The following BANK1 variants were observed in gnomAD, a reference collection of about 807,000 sequenced individuals.
BANK1 encodes B cell scaffold protein with ankyrin repeats 1.
BANK1 carries 95 observed loss-of-function variants against 94.5 expected under a neutral mutation model. The ratio of observed to expected loss-of-function variants is 1.00; its 90% confidence interval spans 0.85 to 1.19. The LOEUF (loss-of-function observed/expected upper bound fraction) is 1.19, where lower values mean the gene tolerates loss of function less well. Among genes scored for constraint, BANK1 ranks in the 50% most tolerant of loss-of-function variants. The pLI is 0.00. For missense variants in BANK1, 987 were observed against 932.2 expected, an observed-to-expected ratio of 1.06 and a Z score of -0.77; for synonymous variants, 334 against 308.4, an observed-to-expected ratio of 1.08 and a Z score of -0.87.
At chr4:101,904,531 C>T (rs894630812) in intron 6 of BANK1, among the ~76,000 whole-genome samples, 1 of 152,128 alleles carries the variant, frequency 6.6e-6, no homozygotes, top group African/African-American at 2.4e-5. Flanking sequence ...AAAATTATTT[C>T]CTAATCTTTG....
At chr4:101,870,471 A>G in intron 4 of BANK1, 34 bp from the exon 5 acceptor site, 1 of 1,590,942 alleles carries the variant, frequency 6.3e-7, no homozygotes, top group Non-Finnish European at 8.6e-7. Context: ...TGCATTATAT[A>G]CTCTGCCCCT....
chr4:101,958,753 T>A (rs1479211583), intron 7 of BANK1, among the ~76,000 whole-genome samples: 3 of 152,198 alleles, frequency 2.0e-5, no homozygotes, highest in Non-Finnish European at 4.4e-5. Context: ...CCATCCTCTC[T>A]ACACATGCTC....
chr4:101,976,701 A>T (rs1725144966), intron 7 of BANK1, among the ~76,000 whole-genome samples: 1 of 152,166 alleles, frequency 6.6e-6, no homozygotes, highest in Non-Finnish European at 1.5e-5. Context: ...CATAAAATTT[A>T]TCTGAGTTTA....
At chr4:101,878,559 A>C (rs1462124622) in intron 5 of BANK1, among the ~76,000 whole-genome samples, 1 of 152,190 alleles carries the variant, frequency 6.6e-6, no homozygotes, top group Non-Finnish European at 1.5e-5. Context: ...CCACACAGAA[A>C]ATGAACAAAG....
rs942942664 is a variant in BANK1 at position 102,043,863 on chromosome 4, G to A, written c.1925G>A (p.Arg642Lys). The A allele has an allele frequency of 1.9e-6, 3 of 1,603,538 alleles. No individual in the cohort carries two copies. The highest frequency in any genetic ancestry group is 2.7e-5 in the African/African-American group (2 of 74,596). The change falls in exon 11 of 17, where the codon AGA (arginine) becomes AAA (lysine). Residue 642 changes from arginine (R) to lysine (K), a missense_variant. Arg to Lys is a conservative substitution (Grantham distance 26, BLOSUM62 2). Transcript: ENST00000322953. The stretch of plus-strand genomic sequence containing the variant: ...GTGTTTCAACAAAAGACAGCCAGAA[G>A]ACAATCTGATGATGACAAGTTCTGT... The part of the protein sequence containing the change: ...AQVFQQKTAR[R>K]QSDDDKFCGL...
intron 5 of BANK1, 31 bp from the exon 6 acceptor site, chr4:101,895,274 A>G (rs772931244): frequency 5.6e-6 from 7 of 1,253,082 alleles, no homozygotes; most frequent in Non-Finnish European, 7.9e-6. Context: ...TAATTAACCT[A>G]GTGAAAATTT....
intron 5 of BANK1, among the ~76,000 whole-genome samples, chr4:101,875,215 G>C (rs1728444374): frequency 6.6e-6 from 1 of 151,522 alleles, no homozygotes; most frequent in South Asian, 2.1e-4. Context: ...TGCAGAGACT[G>C]TTTCTGTGTG....
intron 11 of BANK1, 37 bp from the exon 12 acceptor site, chr4:102,060,174 G>C (rs1728364920): frequency 1.3e-6 from 2 of 1,509,596 alleles, no homozygotes; most frequent in South Asian, 2.7e-5. Flanking sequence ...GTCTACACCT[G>C]GACTTTCTGT....
chr4:102,040,615 G>A (rs1364585409), intron 10 of BANK1, among the ~76,000 whole-genome samples: 1 of 151,980 alleles, frequency 6.6e-6, no homozygotes, highest in Non-Finnish European at 1.5e-5. Flanking sequence ...GGAAAGGATT[G>A]TCTCAATATA....
chr4:101,951,230 T>C (rs1450409958), intron 7 of BANK1, among the ~76,000 whole-genome samples: 1 of 152,136 alleles, frequency 6.6e-6, no homozygotes, highest in African/African-American at 2.4e-5. Flanking sequence ...TCTTTACAAA[T>C]TTTCTGTGAA....
At chr4:101,904,755 C>T (rs1722391439) in intron 6 of BANK1, among the ~76,000 whole-genome samples, 1 of 152,070 alleles carries the variant, frequency 6.6e-6, no homozygotes, top group Non-Finnish European at 1.5e-5. Context: ...TCGAATAGTC[C>T]CAGGTCGTCC....
At chr4:102,061,535 T>C (rs1234668960) in intron 12 of BANK1, 1 of 152,250 alleles carries the variant, frequency 6.6e-6, no homozygotes, top group Non-Finnish European at 1.5e-5. Context: ...CCAATACACA[T>C]GTGTTTAGGT....
chr4:101,863,082 A>G (rs4554079), intron 4 of BANK1, among the ~76,000 whole-genome samples: 83,590 of 151,088 alleles, frequency 0.55, 24,356 homozygotes, highest in African/African-American at 0.75. Flanking sequence ...TATTTTTGTT[A>G]CTCTGAAAAG....
At chr4:102,070,768 G>T (rs60500007) in intron 13 of BANK1, among the ~76,000 whole-genome samples, 2,319 of 152,190 alleles carry the variant, frequency 0.015, 69 homozygotes, top group African/African-American at 0.052. Context: ...TCAGATCGGG[G>T]GTGCCATGAG....
chr4:101,802,774 G>T lies in BANK1; in HGVS notation c.70+11824G>T, dbSNP rs570688681. Among the ~76,000 whole-genome samples the T allele has an allele frequency of 5.3e-5, 8 of 152,272 alleles. 1 individual carries two copies. The South Asian group carries it at 1.7e-3, about 32-fold the overall frequency. On this transcript the variant is annotated intron_variant, in intron 1 of 16. Transcript: ENST00000322953. The stretch of plus-strand genomic sequence containing the variant: ...AAATAGTATACTTGGAATAAAATTG[G>T]TGCTCTGTAATTGACAGTTATGGCT...
chr4:101,836,948 T>C (rs1578346512), intron 2 of BANK1, among the ~76,000 whole-genome samples: 4 of 152,320 alleles, frequency 2.6e-5, no homozygotes, highest in Admixed American at 1.3e-4. Flanking sequence ...TTCTCATCCA[T>C]TGGCCTAGAT....
At chr4:102,021,990 A>G (rs967758707) in intron 8 of BANK1, among the ~76,000 whole-genome samples, 2 of 152,104 alleles carry the variant, frequency 1.3e-5, no homozygotes, top group African/African-American at 2.4e-5. Flanking sequence ...CCCTGGCCCT[A>G]ATATCTGTGA....
At chr4:102,027,197 G>GGTAAAATTGTCTTGTGTCAGATTATTT (rs1727133993) in intron 9 of BANK1, among the ~76,000 whole-genome samples, 2 of 151,984 alleles carry the variant, frequency 1.3e-5, no homozygotes, top group Non-Finnish European at 2.9e-5. Flanking sequence ...TTGTCAAGAA[G>GGTAAAATTGTCTTGTGTCAGATTATTT]GTAAAATTGT....
At chr4:102,009,463 A>G (rs1465442112) in intron 7 of BANK1, among the ~76,000 whole-genome samples, 1 of 152,212 alleles carries the variant, frequency 6.6e-6, no homozygotes, top group Non-Finnish European at 1.5e-5. Context: ...AAGATGTCTC[A>G]AATGCTGCCA....
Sources: allele counts gnomAD v4.1 joint callset (sites outside exome capture counted in the v4.1 genomes callset), GRCh38; gene constraint gnomAD v4.1.1; transcripts MANE v1.5; gene names NCBI Gene and HGNC (gene_info 2026-07-23, HGNC 2026-07-21).